RGPD3: variants seen among roughly 807,000 people sequenced by gnomAD.
RGPD3 encodes the protein ranBP2-like and GRIP domain-containing protein 3.
A neutral mutation model predicts 154.5 loss-of-function variants in RGPD3; 62 were observed. The observed-to-expected ratio is 0.40, with a 90% confidence interval of 0.33 to 0.50. The LOEUF (loss-of-function observed/expected upper bound fraction) is 0.50. Ranked by LOEUF, RGPD3 falls within the 20% of genes least tolerant of loss-of-function variation. RGPD3 has a pLI of 0.59. For missense variants in RGPD3, 919 were observed against 1,716.8 expected (o/e 0.54, Z 8.21); for synonymous variants, 308 against 607.0 (o/e 0.51, Z 7.24).
intron 7 of RGPD3, among the ~76,000 whole-genome samples, chr2:106,442,444 T>A: frequency 8.2e-6 from 1 of 121,224 alleles, no homozygotes; most frequent in Non-Finnish European, 1.7e-5. Flanking sequence ...GGGATAGCAC[T>A]GGAATAAATG....
chr2:106,446,240 CT>C (rs1485207919), intron 7 of RGPD3, among the ~76,000 whole-genome samples: 1 of 127,504 alleles, frequency 7.8e-6, no homozygotes, highest in Admixed American at 8.2e-5. Context: ...ATTTCTTTTC[CT>C]TTCAAAAGTT....
At chr2:106,415,501 C>A (rs547749999) in intron 21 of RGPD3, among the ~76,000 whole-genome samples, 1 of 151,486 alleles carries the variant, frequency 6.6e-6, no homozygotes, top group Non-Finnish European at 1.5e-5. Context: ...CATGGTAAAC[C>A]CTGTCTCTAC....
intron 22 of RGPD3, among the ~76,000 whole-genome samples, chr2:106,408,733 C>T (rs28580660): frequency 9.9e-5 from 15 of 151,936 alleles, no homozygotes; most frequent in South Asian, 2.1e-4. Flanking sequence ...AATGCAGTGG[C>T]GTGACCAGGA....
chr2:106,464,566 C>A (rs1391780872), intron 1 of RGPD3, among the ~76,000 whole-genome samples: 1 of 150,532 alleles, frequency 6.6e-6, no homozygotes, highest in Non-Finnish European at 1.5e-5. Context: ...CAGCAAGACC[C>A]TATTCTAAAA....
At chr2:106,449,596 G>A (rs1463318972) in intron 6 of RGPD3, among the ~76,000 whole-genome samples, 4 of 151,404 alleles carry the variant, frequency 2.6e-5, no homozygotes, top group African/African-American at 9.7e-5. Flanking sequence ...ACCCACATAC[G>A]GCCGGGTGCA....
intron 9 of RGPD3, among the ~76,000 whole-genome samples, chr2:106,438,185 C>T (rs1030488258): frequency 1.2e-4 from 18 of 152,022 alleles, no homozygotes; most frequent in Admixed American, 2.6e-4. Context: ...GCCTCGGCCT[C>T]CCAAAGTGCT....
intron 1 of RGPD3, among the ~76,000 whole-genome samples, chr2:106,462,369 A>G (rs1678430055): frequency 6.6e-6 from 1 of 151,020 alleles, no homozygotes; most frequent in Non-Finnish European, 1.5e-5. Context: ...TTTACAAGGG[A>G]ACTGAAGCTC....
rs1427727475 is a variant in RGPD3 at position 106,415,958 on chromosome 2, T to C, written c.4956A>G (p.Lys1652=). ...AACTGAGCTTCTGAACCAATTCTTC[T>C]TTAGTAAATTCAGCATACCATAATG... is the stretch of plus-strand genomic sequence containing the variant. ...EPPLWYAEFT[K]EELVQKLSST... The change falls in exon 21 of 23, where the codon AAA becomes AAG. Residue 1652 remains lysine, a synonymous_variant. Transcript: ENST00000409886. The C allele has an allele frequency of 6.2e-7, 1 of 1,611,682 alleles. No homozygotes were observed. The highest frequency in any genetic ancestry group is 2.2e-5 in the East Asian group (1 of 44,810).
chr2:106,446,484 G>C (rs969251737), intron 7 of RGPD3, among the ~76,000 whole-genome samples: 2 of 141,374 alleles, frequency 1.4e-5, no homozygotes, highest in East Asian at 4.7e-4. Context: ...GCAGGAAAAT[G>C]GCGTGAACTC....
intron 7 of RGPD3, among the ~76,000 whole-genome samples, chr2:106,444,822 C>T (rs1180699984): frequency 1.4e-5 from 2 of 147,988 alleles, no homozygotes; most frequent in South Asian, 2.1e-4. Context: ...CCCAAAACTA[C>T]ATATCAAAAA....
At chr2:106,415,811 AC>A in intron 21 of RGPD3, 38 bp downstream of exon 21, 1 of 1,611,594 alleles carries the variant, frequency 6.2e-7, no homozygotes, top group Non-Finnish European at 8.5e-7. Flanking sequence ...AGAAAACCAA[AC>A]TGGCAGTTTT....
chr2:106,466,177 A>T (rs1678576166), intron 1 of RGPD3, among the ~76,000 whole-genome samples: 1 of 151,796 alleles, frequency 6.6e-6, no homozygotes, highest in Admixed American at 6.5e-5. Flanking sequence ...CGTCGGGAAC[A>T]AGCCGGGAGA....
chr2:106,423,880 C>G lies in RGPD3; in HGVS notation c.4087G>C (p.Glu1363Gln). Residue 1363 changes from glutamate (E) to glutamine (Q), a missense_variant, in exon 20 of 23, where the codon GAA (glutamate) becomes CAA (glutamine). Physicochemically the swap from Glu to Gln is conservative, Grantham distance 29. Transcript: ENST00000409886. ...NEQVVFSHRA[E>Q]FYRYDKDVGQ... is the part of the protein sequence containing the mutation. Reference sequence around the variant, plus strand: ...ACATCTTTATCATATCTGTAGAATTCTGCCCTGTGACTAAAAACAACTTGT... The same window carrying G: ...ACATCTTTATCATATCTGTAGAATTGTGCCCTGTGACTAAAAACAACTTGT... 6.2e-7 allele frequency: 1 copy of G among 1,611,930 alleles called. No homozygotes were observed. Among genetic ancestry groups the G allele is most frequent in the Non-Finnish European group, 8.5e-7 (1 of 1,179,860 alleles).
chr2:106,409,982 TCTC>T (rs1676622872), intron 22 of RGPD3, among the ~76,000 whole-genome samples: 1 of 151,314 alleles, frequency 6.6e-6, no homozygotes, highest in African/African-American at 2.4e-5. Flanking sequence ...TTCAAGCAGT[TCTC>T]CTACCTCAGC....
Position 106,424,459 on chromosome 2 carries a change from G to C in RGPD3, c.3508C>G (p.Leu1170Val), listed in dbSNP as rs1391673311. Residue 1170 changes from leucine to valine, a missense_variant, in exon 20 of 23, where the codon CTT becomes GTT. Transcript: ENST00000409886. ...FKQKFEECQR[L>V]LLDIPLQTPH... ...GTTTGAAGTGGTATGTCTAACAGAA[G>C]CCGCTGGCATTCCTCAAATTTCTGC... 23 of 1,607,866 alleles carry C rather than the reference G, an allele frequency of 1.4e-5. No individual in the cohort carries two copies. The highest frequency in any genetic ancestry group is 1.9e-5 in the Non-Finnish European group (22 of 1,179,556).
chr2:106,451,843 G>T lies in RGPD3; in HGVS notation c.782+362C>A, dbSNP rs1226444725. ...GTACATGTGAACCTAGCCATCTGAT[G>T]ACAGATGAACTTTAATTTTCACTCA... is the stretch of plus-strand genomic sequence containing the variant. On this transcript the variant is annotated intron_variant, in intron 6 of 22. Coordinates refer to ENST00000409886, the MANE Select transcript of RGPD3 (RefSeq NM_001144013.2). Among the ~76,000 whole-genome samples, 7 of 152,008 alleles carry T rather than the reference G, an allele frequency of 4.6e-5. No homozygotes were observed. The East Asian group carries it at 1.2e-3, about 25-fold the overall frequency.
intron 22 of RGPD3, 136 bp downstream of exon 22, chr2:106,412,948 G>T: frequency 2.0e-6 from 2 of 1,003,010 alleles, no homozygotes; most frequent in African/African-American, 1.7e-5. Context: ...TTCAAATCTA[G>T]TCACGGCCTA....
chr2:106,461,492 T>G (rs1678404576), intron 1 of RGPD3, among the ~76,000 whole-genome samples: 1 of 152,134 alleles, frequency 6.6e-6, no homozygotes, highest in Admixed American at 6.5e-5. Context: ...CCGTGAAATT[T>G]TTATCATGTT....
At chr2:106,451,117 A>G (rs1441016850) in intron 6 of RGPD3, among the ~76,000 whole-genome samples, 1 of 150,482 alleles carries the variant, frequency 6.6e-6, no homozygotes, top group Non-Finnish European at 1.5e-5. Context: ...AGAAAGAAAG[A>G]AAGAAAGAAA....
Sources: gnomAD v4.1 joint callset for allele counts (sites outside exome capture counted in the v4.1 genomes callset) on GRCh38, gnomAD v4.1.1 for gene constraint, MANE v1.5 for transcripts, NCBI Gene and HGNC (gene_info 2026-07-23, HGNC 2026-07-21) for gene names.